The following TMED8 variants were observed in gnomAD, a reference collection of about 807,000 sequenced individuals.
TMED8 encodes transmembrane p24 trafficking protein family member 8, also known as protein TMED8.
Under a neutral mutation model 32.7 loss-of-function variants are expected in TMED8, and 15 were observed. That is an observed-to-expected ratio of 0.46 (90% CI 0.31 to 0.71). The LOEUF (loss-of-function observed/expected upper bound fraction) is 0.71. Among genes scored for constraint, TMED8 ranks in the 30% least tolerant of loss-of-function variants. The probability of loss-of-function intolerance (pLI) is 0.06; values close to 1 mark genes in which losing one functional copy is unlikely to be tolerated. For synonymous variants in TMED8, 147 were observed against 161.4 expected, an observed-to-expected ratio of 0.91 and a Z score of 0.68; for missense variants, 390 against 423.9, an observed-to-expected ratio of 0.92 and a Z score of 0.70.
At chr14:77,368,632 C>A (rs1329072536) in intron 1 of TMED8, among the ~76,000 whole-genome samples, 1 of 152,132 alleles carries the variant, frequency 6.6e-6, no homozygotes, top group Non-Finnish European at 1.5e-5. Flanking sequence ...CACGTGCCAC[C>A]ACACCCAGCT....
chr14:77,363,515 G>A (rs1893484233), intron 1 of TMED8, among the ~76,000 whole-genome samples: 1 of 152,048 alleles, frequency 6.6e-6, no homozygotes, highest in Non-Finnish European at 1.5e-5. Flanking sequence ...AAAAAGAAGA[G>A]GCCAGGCATG....
chr14:77,376,982 G>A lies in TMED8; in HGVS notation c.72C>T (p.Gly24=). Residue 24 remains glycine, a synonymous_variant, in exon 1 of 6, where the codon GGC becomes GGT. Transcript: ENST00000216468. This position sits in a 1 kb window ranked among gnomAD's most constrained non-coding sequence, Gnocchi z 4.0. ...CCTCCACTCCCTGGCAGTCCCCGAC[G>A]CCGCCAGCCGACCCTGGGCGGGCTG... ...SPTARPGSAG[G]VGDCQGVEGS... 1.4e-6 allele frequency: 2 copies of A among 1,448,420 alleles called. No homozygotes were observed. The highest frequency in any genetic ancestry group is 9.0e-7 in the Non-Finnish European group (1 of 1,108,930). The allele number at this position is 1,448,420 out of a possible 1,614,324, so 89.7% of individuals were successfully genotyped here.
Position 77,335,396 on chromosome 14 carries a change from A to G in TMED8, c.*6375T>C, listed in dbSNP as rs983858873. ...TTTAAAGAAAAAAGATAAAACAGTG[A>G]CACGGTTTCCCTTCCAGACCCTTTT... On this transcript the variant is annotated 3_prime_UTR_variant, in exon 6 of 6. Transcript: ENST00000216468. 7.2e-5 allele frequency: 11 copies of G among 152,228 alleles called. No homozygotes were observed. The highest frequency in any genetic ancestry group is 7.2e-4 in the Admixed American group (11 of 15,280). 9.4% of individuals were successfully genotyped at this position (152,228 alleles called of 1,614,324 possible).
chr14:77,369,098 T>A (rs1352273159), intron 1 of TMED8, among the ~76,000 whole-genome samples: 1 of 146,170 alleles, frequency 6.8e-6, no homozygotes, highest in African/African-American at 2.5e-5. Context: ...AAGATTACGT[T>A]TCTTTACTTT....
At chr14:77,366,295 G>A (rs1196624296) in intron 1 of TMED8, among the ~76,000 whole-genome samples, 2 of 152,222 alleles carry the variant, frequency 1.3e-5, no homozygotes, top group African/African-American at 2.4e-5. Flanking sequence ...ATAGTACTCA[G>A]TGGAAGTCAA....
At chr14:77,345,326 T>C (rs928208489) in intron 3 of TMED8, among the ~76,000 whole-genome samples, 2 of 152,204 alleles carry the variant, frequency 1.3e-5, no homozygotes, top group Non-Finnish European at 2.9e-5. Flanking sequence ...ATGGCACCTA[T>C]CTGACAAGGT....
rs1892744157 is a variant in TMED8, at chr14:77,335,642, T to C, written c.*6129A>G. On this transcript the variant is annotated 3_prime_UTR_variant, in exon 6 of 6. Transcript: ENST00000216468. ...CCTCCCTTTATTCCAATTATCCTTT[T>C]CCAAAGTCTGGCTTTCTTATAATCC... is the stretch of plus-strand genomic sequence containing the variant. The C allele has an allele frequency of 1.3e-5, 2 of 152,184 alleles. No homozygotes were observed. Among genetic ancestry groups the C allele is most frequent in the African/African-American group, 2.4e-5 (1 of 41,440 alleles). 9.4% of individuals were successfully genotyped at this position (152,184 alleles called of 1,614,324 possible).
At chr14:77,359,497 C>A in intron 1 of TMED8, 1 of 303,974 alleles carries the variant, frequency 3.3e-6, no homozygotes, top group Non-Finnish European at 6.5e-6. Flanking sequence ...CATGACCTAC[C>A]CAGGACAACC....
chr14:77,345,621 T>C (rs1893007020), intron 3 of TMED8, among the ~76,000 whole-genome samples: 1 of 135,782 alleles, frequency 7.4e-6, no homozygotes, highest in African/African-American at 2.8e-5. Context: ...GACTGCACCA[T>C]CGCACTGAAG....
In TMED8 at chr14:77,343,752, T is replaced by C; in HGVS notation, c.399A>G (p.Ile133Met). The part of the protein sequence containing the change: ...VMIQSEHTGA[I>M]DVLSADLESA... ...ATTCCAAATCAGCTGAAAGAACATC[T>C]ATAGCTCCTGTATGTTCAGACTGGA... The change falls in exon 4 of 6, where the codon ATA becomes ATG. Residue 133 changes from isoleucine to methionine, a missense_variant. By Grantham distance (10) the Ile-to-Met change is conservative. Coordinates refer to ENST00000216468, the MANE Select transcript of TMED8 (RefSeq NM_213601.3). 6.2e-7 allele frequency: 1 copy of C among 1,614,242 alleles called. No homozygotes were observed. Among genetic ancestry groups the C allele is most frequent in the East Asian group, 2.2e-5 (1 of 44,892 alleles).
chr14:77,364,427 T>A (rs1045781645), intron 1 of TMED8, among the ~76,000 whole-genome samples: 2 of 152,156 alleles, frequency 1.3e-5, no homozygotes, highest in Non-Finnish European at 2.9e-5. Context: ...AATTTTTCTG[T>A]AGAGATGGGG....
In TMED8 at chr14:77,340,954, G is replaced by A. The variant is rs552114941; in HGVS notation, c.*817C>T. 2.2e-4 allele frequency: 32 copies of A among 146,938 alleles called. No homozygotes were observed. The highest frequency in any genetic ancestry group is 7.8e-4 in the African/African-American group (31 of 39,946). 9.1% of individuals were successfully genotyped at this position (146,938 alleles called of 1,614,324 possible). A position where few individuals can be genotyped will look rare whatever the true frequency, so the allele number is the denominator to read the frequency against. ...CCAAAAAAAAAAAAAAAAGTAACAC[G>A]ACTTTCAAATATGTGGGTTCTGACA... On this transcript the variant is annotated 3_prime_UTR_variant, in exon 6 of 6. Transcript: ENST00000216468.
intron 3 of TMED8, 53 bp downstream of exon 3, chr14:77,346,296 G>A (rs776561682): frequency 3.2e-4 from 507 of 1,595,872 alleles, no homozygotes; most frequent in Non-Finnish European, 4.2e-4. Context: ...ACCACTATGT[G>A]TCCACATTCT....
intron 3 of TMED8, 103 bp downstream of exon 3, chr14:77,346,246 T>C (rs1893028313): frequency 8.0e-7 from 1 of 1,252,718 alleles, no homozygotes. Flanking sequence ...AAGAGAGAAT[T>C]CCGGGAGCCA....
At chr14:77,360,990 T>G (rs1893422576) in intron 1 of TMED8, among the ~76,000 whole-genome samples, 1 of 149,204 alleles carries the variant, frequency 6.7e-6, no homozygotes, top group African/African-American at 2.5e-5. Context: ...TTTTTTTTTT[T>G]TTTTCAGACA....
intron 1 of TMED8, among the ~76,000 whole-genome samples, chr14:77,355,807 T>C (rs565464123): frequency 1.3e-4 from 20 of 152,300 alleles, no homozygotes; most frequent in African/African-American, 4.6e-4. Flanking sequence ...CCATAGTTCA[T>C]TGGTTTCCGG....
chr14:77,347,820 T>C (rs1454061476), intron 2 of TMED8, among the ~76,000 whole-genome samples: 1 of 152,254 alleles, frequency 6.6e-6, no homozygotes, highest in African/African-American at 2.4e-5. Flanking sequence ...CCCAGGCCTT[T>C]TGGGAATCTG....
chr14:77,362,135 A>G (rs1349118780), intron 1 of TMED8, among the ~76,000 whole-genome samples: 2 of 151,672 alleles, frequency 1.3e-5, no homozygotes, highest in East Asian at 3.9e-4. Context: ...GGTTATTTAC[A>G]TATAAGATCA....
intron 2 of TMED8, among the ~76,000 whole-genome samples, chr14:77,348,480 C>A (rs961653299): frequency 2.0e-5 from 3 of 152,178 alleles, no homozygotes; most frequent in Non-Finnish European, 4.4e-5. Flanking sequence ...ACCTTGGCCT[C>A]CCAAAGTGCT....
Sources: gnomAD v4.1 joint callset for allele counts (sites outside exome capture counted in the v4.1 genomes callset) on GRCh38, gnomAD v4.1.1 for gene constraint, Gnocchi (gnomAD v3.1) non-coding constraint, MANE v1.5 for transcripts, NCBI Gene and HGNC (gene_info 2026-07-23, HGNC 2026-07-21) for gene names.